UBL5: variants seen among roughly 807,000 people sequenced by gnomAD.
UBL5 encodes ubiquitin like 5, also known as ubiquitin-like protein 5.
In UBL5, 13 loss-of-function variants were observed where a neutral mutation model predicts 11.7. The ratio of observed to expected loss-of-function variants is 1.11; its 90% confidence interval spans 0.73 to 1.77. The LOEUF (loss-of-function observed/expected upper bound fraction) is 1.77. Among genes scored for constraint, UBL5 ranks in the 40% most tolerant of loss-of-function variants. The probability of loss-of-function intolerance (pLI) is 0.00; values close to 1 mark genes in which losing one functional copy is unlikely to be tolerated. For missense variants in UBL5, 58 were observed against 92.3 expected (o/e 0.63, Z 1.52); for synonymous variants, 28 against 34.7 (o/e 0.81, Z 0.68).
At chr19:9,829,800 A>G (rs2046045726) in intron 4 of UBL5, 165 bp from the exon 5 acceptor site, 3 of 693,084 alleles carry the variant, frequency 4.3e-6, no homozygotes, top group Non-Finnish European at 7.4e-6. Flanking sequence ...CCCAGCCAGA[A>G]ATTCTTTTGT....
rs2046047221 is a variant in UBL5, at chr19:9,830,030, C to T, written c.*22C>T. The T allele has an allele frequency of 1.9e-6, 3 of 1,613,592 alleles. No homozygotes were observed. Among genetic ancestry groups the T allele is most frequent in the East Asian group, 4.5e-5 (2 of 44,888 alleles). ...ATAGATGAGAATCCTCATCTTCCTGCCCCGCTTTCCTCTCCCATCCTCATC... is the reference window on the plus strand; with the variant it reads ...ATAGATGAGAATCCTCATCTTCCTGTCCCGCTTTCCTCTCCCATCCTCATC... On this transcript the variant is annotated 3_prime_UTR_variant, in exon 5 of 5. Transcript: ENST00000586895.
rs757365476 is a variant in UBL5 at position 9,830,049 on chromosome 19, C to G, written c.*41C>G. The G allele has an allele frequency of 1.2e-6, 2 of 1,611,396 alleles. No individual in the cohort carries two copies. The highest frequency in any genetic ancestry group is 1.7e-6 in the Non-Finnish European group (2 of 1,177,890). On this transcript the variant is annotated 3_prime_UTR_variant, in exon 5 of 5. Transcript: ENST00000586895. ...TTCCTGCCCCGCTTTCCTCTCCCAT[C>G]CTCATCCCCCACACTGGGATAGATG...
Position 9,828,207 on chromosome 19 carries a change from C to T in UBL5, c.-11-120C>T, listed in dbSNP as rs908731724. 2.3e-5 allele frequency: 22 copies of T among 952,672 alleles called. No homozygotes were observed. The Admixed American group carries it at 3.3e-4, about 14-fold the overall frequency. The allele number at this position is 952,672 out of a possible 1,614,324, so 59.0% of individuals were successfully genotyped here. On this transcript the variant is annotated intron_variant, in intron 1 of 4. Transcript: ENST00000586895. Reference sequence around the variant, plus strand: ...GGGGGGTTGGGGGCAGAACGGAAGGCTCAGTAACCTGGAATTTTAGGGCCT... The same window carrying T: ...GGGGGGTTGGGGGCAGAACGGAAGGTTCAGTAACCTGGAATTTTAGGGCCT...
chr19:9,829,837 A>G (rs2046045920), intron 4 of UBL5, 128 bp from the exon 5 acceptor site: 1 of 1,008,070 alleles, frequency 9.9e-7, no homozygotes, highest in East Asian at 2.4e-5. Flanking sequence ...CCAAATAAAA[A>G]TGGCCTGGTC....
In UBL5 at chr19:9,828,465, G is replaced by T; in HGVS notation, c.56+72G>T. On this transcript the variant is annotated intron_variant, in intron 2 of 4. Coordinates refer to ENST00000586895, the MANE Select transcript of UBL5 (RefSeq NM_001048241.3). Reference sequence around the variant, plus strand: ...GCGTGAGGCAGGCAACTCAATCTGTGTTGTCGGATGGTTTTAGTTAAACCC... The same window carrying T: ...GCGTGAGGCAGGCAACTCAATCTGTTTTGTCGGATGGTTTTAGTTAAACCC... 18 of 1,610,146 alleles carry T rather than the reference G, an allele frequency of 1.1e-5. No individual in the cohort carries two copies. The South Asian group carries it at 1.9e-4, about 17-fold the overall frequency.
At chr19:9,828,533 CT>C (rs2046037805) in intron 2 of UBL5, 58 bp from the exon 3 acceptor site, 1 of 1,609,964 alleles carries the variant, frequency 6.2e-7, no homozygotes, top group African/African-American at 1.3e-5. Flanking sequence ...GTATTCTGCC[CT>C]AGAATGTCCT....
intron 4 of UBL5, 155 bp downstream of exon 4, chr19:9,829,029 T>A: frequency 1.4e-6 from 1 of 733,010 alleles, no homozygotes; most frequent in Non-Finnish European, 2.3e-6. Context: ...GGTAATTATT[T>A]GGTTGGGGAG....
intron 1 of UBL5, 125 bp from the exon 2 acceptor site, chr19:9,828,202 G>A: frequency 3.3e-6 from 3 of 910,386 alleles, no homozygotes; most frequent in South Asian, 2.9e-5. Context: ...GGGCAGAACG[G>A]AAGGCTCAGT....
In UBL5 at chr19:9,828,315, C is replaced by T. The variant is rs188831884; in HGVS notation, c.-11-12C>T. The stretch of plus-strand genomic sequence containing the variant: ...ACTTTGCTGCCTCCCACCCACCCCC[C>T]GCTTTGTGTAGCTCCAGCTAGGATG... On this transcript the variant is annotated splice_polypyrimidine_tract_variant and intron_variant, in intron 1 of 4. Coordinates refer to ENST00000586895, the MANE Select transcript of UBL5 (RefSeq NM_001048241.3). 5 of 1,612,040 alleles carry T rather than the reference C, an allele frequency of 3.1e-6. No individual in the cohort carries two copies. The highest frequency in any genetic ancestry group is 3.4e-6 in the Non-Finnish European group (4 of 1,178,176).
At chr19:9,829,803 T>C (rs997694442) in intron 4 of UBL5, 162 bp from the exon 5 acceptor site, 14 of 707,356 alleles carry the variant, frequency 2.0e-5, no homozygotes, top group Non-Finnish European at 3.1e-5. Flanking sequence ...AGCCAGAAAT[T>C]CTTTTGTAAA....
At position 9,828,642 on chromosome 19, in the gene UBL5, G is replaced by T. The variant is rs1285845326; in HGVS notation, c.107G>T (p.Gly36Val). ...AAGAAGCTGATTGCAGCCCAAACTG[G>T]TACCCGTTGGAACAAGATTGTCCTG... ...DLKKLIAAQT[G>V]TRWNKIVLKK... Residue 36 changes from glycine to valine, a missense_variant, in exon 3 of 5, where the codon GGT becomes GTT. Physicochemically the swap from Gly to Val is moderately radical, Grantham distance 109. Transcript: ENST00000586895. The T allele has an allele frequency of 6.2e-6, 10 of 1,614,090 alleles. No individual in the cohort carries two copies. Among genetic ancestry groups the T allele is most frequent in the African/African-American group, 1.3e-5 (1 of 74,942 alleles).
chr19:9,828,033 C>G, intron 1 of UBL5, 49 bp downstream of exon 1: 1 of 497,872 alleles, frequency 2.0e-6, no homozygotes, highest in Non-Finnish European at 3.6e-6. Flanking sequence ...GCTGTCGCGA[C>G]CCAGCCACCC....
At chr19:9,828,152 G>T in intron 1 of UBL5, 168 bp downstream of exon 1, 1 of 640,452 alleles carries the variant, frequency 1.6e-6, no homozygotes, top group Non-Finnish European at 2.7e-6. Flanking sequence ...CCTGGGACAG[G>T]GGACTTGGGG....
intron 1 of UBL5, 72 bp downstream of exon 1, chr19:9,828,056 C>T (rs965376309): frequency 1.8e-6 from 1 of 550,230 alleles, no homozygotes; most frequent in South Asian, 2.1e-5. Flanking sequence ...GGTCTGGGGT[C>T]GGTGGGAGGT....
intron 3 of UBL5, 29 bp downstream of exon 3, chr19:9,828,704 G>T: frequency 1.2e-6 from 2 of 1,613,974 alleles, no homozygotes; most frequent in Non-Finnish European, 1.7e-6. Flanking sequence ...CCACTGGGTG[G>T]ACTGGACTAG....
At chr19:9,829,910 T>G in intron 4 of UBL5, 55 bp from the exon 5 acceptor site, 68 of 1,606,168 alleles carry the variant, frequency 4.2e-5, no homozygotes, top group Non-Finnish European at 5.4e-5. Context: ...TGTGAATGGA[T>G]GAGAGGGGTG....
intron 4 of UBL5, chr19:9,829,374 T>G (rs1251401830): frequency 6.0e-6 from 1 of 165,990 alleles, no homozygotes; most frequent in African/African-American, 2.4e-5. Context: ...AGAGATGAGG[T>G]TCCACCATGT....
chr19:9,828,552 G>C, intron 2 of UBL5, 40 bp from the exon 3 acceptor site: 2 of 1,613,644 alleles, frequency 1.2e-6, no homozygotes, highest in Non-Finnish European at 1.7e-6. Flanking sequence ...CCTCTTCCTC[G>C]TTCTACCGCT....
In UBL5 at chr19:9,829,913, G is replaced by A. The variant is rs2046046337; in HGVS notation, c.179-52G>A. 3 of 1,610,420 alleles carry A rather than the reference G, an allele frequency of 1.9e-6. No homozygotes were observed. In the Admixed American group the frequency reaches 5.0e-5, roughly 27 times the overall value. ...ACCTGACCCGGCTGTGAATGGATGA[G>A]AGGGGTGGGGACGGAAGTCAGAGTC... On this transcript the variant is annotated intron_variant, in intron 4 of 4. Coordinates refer to ENST00000586895, the MANE Select transcript of UBL5 (RefSeq NM_001048241.3).
Sources: gnomAD v4.1 joint callset for allele counts on GRCh38, gnomAD v4.1.1 for gene constraint, MANE v1.5 for transcripts, NCBI Gene and HGNC (gene_info 2026-07-23, HGNC 2026-07-21) for gene names.